USP34: variants seen among roughly 807,000 people sequenced by gnomAD.
USP34 encodes ubiquitin specific peptidase 34.
A neutral mutation model predicts 460.3 loss-of-function variants in USP34; 70 were observed. The ratio of observed to expected loss-of-function variants is 0.15; its 90% CI spans 0.13 to 0.19. USP34 has a LOEUF of 0.19. USP34 is among the 10% of genes least tolerant of loss of function. The pLI is 1.00. For missense variants in USP34, 3,985 were observed against 4,236.2 expected (o/e 0.94, Z 1.65); for synonymous variants, 1,647 against 1,405.3 (o/e 1.17, Z -3.85).
intron 21 of USP34, among the ~76,000 whole-genome samples, chr2:61,324,950 T>C (rs1347169853): frequency 6.6e-6 from 1 of 152,056 alleles, no homozygotes; most frequent in African/African-American, 2.4e-5. Context: ...TGCAGCAACA[T>C]AAATGGAACT....
intron 75 of USP34, among the ~76,000 whole-genome samples, chr2:61,195,351 T>G (rs1427877541): frequency 2.9e-5 from 4 of 136,712 alleles, no homozygotes; most frequent in Admixed American, 1.5e-4. Flanking sequence ...GGCTGGCTTT[T>G]ACATTTTTAA....
At chr2:61,377,561 AC>A (rs1216199293) in intron 8 of USP34, among the ~76,000 whole-genome samples, 9 of 152,008 alleles carry the variant, frequency 5.9e-5, no homozygotes, top group African/African-American at 1.9e-4. Flanking sequence ...AATAAAAGGG[AC>A]CCCAGAGACC....
At chr2:61,354,221 G>A (rs1018359105) in intron 10 of USP34, among the ~76,000 whole-genome samples, 5 of 152,154 alleles carry the variant, frequency 3.3e-5, no homozygotes, top group Non-Finnish European at 7.3e-5. Context: ...CAATCAGAAT[G>A]TAGGAAGCCA....
At chr2:61,275,547 T>C (rs1041158937) in intron 41 of USP34, among the ~76,000 whole-genome samples, 3 of 151,872 alleles carry the variant, frequency 2.0e-5, no homozygotes, top group African/African-American at 7.3e-5. Flanking sequence ...TCACTTGATC[T>C]AGTAGTTCAA....
intron 10 of USP34, among the ~76,000 whole-genome samples, chr2:61,364,291 G>C (rs1232970893): frequency 6.6e-6 from 1 of 152,200 alleles, no homozygotes; most frequent in Non-Finnish European, 1.5e-5. Flanking sequence ...GAGCCCAGGA[G>C]TTTTGAGGCT....
chr2:61,315,893 T>C (rs1047874018), intron 23 of USP34, among the ~76,000 whole-genome samples: 1 of 152,054 alleles, frequency 6.6e-6, no homozygotes, highest in African/African-American at 2.4e-5. Flanking sequence ...TGTCTGAAAT[T>C]ACCAAATTGA....
chr2:61,417,391 C>A, intron 2 of USP34: 2 of 508,154 alleles, frequency 3.9e-6, no homozygotes, highest in East Asian at 3.4e-5. Context: ...CCTCCGTAAT[C>A]TTACAGCCAA....
chr2:61,307,399 G>A (rs1468865349), intron 27 of USP34, among the ~76,000 whole-genome samples: 1 of 151,928 alleles, frequency 6.6e-6, no homozygotes, highest in Non-Finnish European at 1.5e-5. Context: ...CACCAACGTG[G>A]TACGTGTATA....
At chr2:61,377,827 A>C (rs565164017) in intron 8 of USP34, among the ~76,000 whole-genome samples, 1 of 152,214 alleles carries the variant, frequency 6.6e-6, no homozygotes, top group Non-Finnish European at 1.5e-5. Flanking sequence ...TCTCCAGTAT[A>C]AACAGTATGC....
At chr2:61,189,717 G>GT (rs1290447353) in intron 78 of USP34, 1 of 152,444 alleles carries the variant, frequency 6.6e-6, no homozygotes, top group East Asian at 1.9e-4. Context: ...AGTTTCTCAA[G>GT]TTAAAATTCT....
intron 10 of USP34, among the ~76,000 whole-genome samples, chr2:61,364,740 C>G (rs1184156479): frequency 1.3e-5 from 2 of 151,912 alleles, no homozygotes; most frequent in Non-Finnish European, 2.9e-5. Context: ...ACCAGCCTAG[C>G]TGACATGATG....
intron 43 of USP34, 98 bp downstream of exon 43, chr2:61,265,299 T>C: frequency 1.5e-6 from 2 of 1,350,256 alleles, no homozygotes; most frequent in African/African-American, 3.0e-5. Context: ...ATTCACAAAT[T>C]ATTTTTTCAA....
At chr2:61,252,723 T>C (rs1688620366) in intron 48 of USP34, among the ~76,000 whole-genome samples, 1 of 152,164 alleles carries the variant, frequency 6.6e-6, no homozygotes, top group South Asian at 2.1e-4. Flanking sequence ...CAGAGTCAAA[T>C]GTATGTAATG....
intron 1 of USP34, among the ~76,000 whole-genome samples, chr2:61,449,254 T>A (rs1695203473): frequency 7.0e-6 from 1 of 143,430 alleles, no homozygotes; most frequent in Non-Finnish European, 1.5e-5. Context: ...GACTCCCTCT[T>A]AAAAAAAAAA....
chr2:61,393,578 G>T (rs926625611), intron 5 of USP34, among the ~76,000 whole-genome samples: 1 of 152,064 alleles, frequency 6.6e-6, no homozygotes, highest in South Asian at 2.1e-4. Context: ...TAATGTCAGT[G>T]CTGTTTCCAA....
intron 18 of USP34, among the ~76,000 whole-genome samples, chr2:61,335,033 CA>C (rs1344680867): frequency 2.6e-5 from 4 of 152,036 alleles, no homozygotes; most frequent in African/African-American, 9.7e-5. Flanking sequence ...AAAGTCATCC[CA>C]AAGCACTAAA....
At position 61,265,876 on chromosome 2, in the gene USP34, ATAATGT is replaced by A. The variant is rs1270608808; in HGVS notation, c.5617+102_5617+107del. 4.3e-5 allele frequency: 45 copies of A among 1,042,316 alleles called. No homozygotes were observed. The Middle Eastern group carries it at 1.4e-3, about 32-fold the overall frequency. 64.6% of individuals were successfully genotyped at this position (1,042,316 alleles called of 1,614,324 possible). On this transcript the variant is annotated intron_variant, in intron 42 of 79. Coordinates refer to ENST00000398571, the MANE Select transcript of USP34 (RefSeq NM_014709.4). ...AATAACACCCTACCAATAATCATTT[ATAATGT>A]TAAAGTGTGTGAAGAGCAGATTCTT...
intron 2 of USP34, chr2:61,417,491 G>A (rs1399625780): frequency 4.3e-6 from 1 of 230,738 alleles, no homozygotes; most frequent in East Asian, 9.9e-5. Flanking sequence ...ATAGTTAACT[G>A]TACCTGAGAA....
intron 8 of USP34, 132 bp from the exon 9 acceptor site, chr2:61,370,711 T>C (rs558280846): frequency 5.7e-6 from 4 of 703,574 alleles, no homozygotes; most frequent in African/African-American, 3.6e-5. Context: ...ATCAGTTTTA[T>C]AGAATACTAC....
Sources: allele counts gnomAD v4.1 joint callset (sites outside exome capture counted in the v4.1 genomes callset), GRCh38; gene constraint gnomAD v4.1.1; transcripts MANE v1.5; gene names NCBI Gene and HGNC (gene_info 2026-07-23, HGNC 2026-07-21).